The following GAD1 variants were observed in gnomAD, a reference collection of about 807,000 sequenced individuals.
The protein encoded by GAD1 is glutamate decarboxylase 1.
A neutral mutation model predicts 75.2 loss-of-function variants in GAD1; 35 were observed. That is an observed-to-expected ratio of 0.47 (90% CI 0.36 to 0.62). The LOEUF is 0.62. Ranked by LOEUF, GAD1 falls within the 20% of genes least tolerant of loss-of-function variation. The pLI is 0.00. For missense variants in GAD1, 490 were observed against 758.5 expected (o/e 0.65, Z 4.16); for synonymous variants, 257 against 271.9 (o/e 0.95, Z 0.54).
intron 11 of GAD1, 148 bp from the exon 12 acceptor site, chr2:170,849,138 C>T: frequency 1.4e-6 from 1 of 724,922 alleles, no homozygotes. Context: ...ACTGATTGAA[C>T]AATCAGTGTG....
intron 4 of GAD1, among the ~76,000 whole-genome samples, chr2:170,830,616 C>G (rs1245021992): frequency 6.6e-6 from 1 of 152,214 alleles, no homozygotes; most frequent in Non-Finnish European, 1.5e-5. Flanking sequence ...CCCAGGGGAG[C>G]ACGACAGATG....
chr2:170,819,837 A>C (rs1559266392), intron 2 of GAD1, among the ~76,000 whole-genome samples: 1 of 152,216 alleles, frequency 6.6e-6, no homozygotes, highest in Non-Finnish European at 1.5e-5. Context: ...AAGTATCCTC[A>C]TCAATGAAGT....
chr2:170,852,873 A>G, intron 13 of GAD1, 81 bp downstream of exon 13: 1 of 1,229,326 alleles, frequency 8.1e-7, no homozygotes, highest in Non-Finnish European at 1.2e-6. Flanking sequence ...GTCTCTTTGC[A>G]GTACTTGTTG....
rs141910612 is a variant in GAD1, at chr2:170,831,187, G to A, written c.542G>A (p.Arg181His). 3.1e-6 allele frequency: 5 copies of A among 1,614,004 alleles called. No homozygotes were observed. The highest frequency in any genetic ancestry group is 2.2e-5 in the South Asian group (2 of 91,088). ...AGAGACACCTTGAAGTATGGGGTTC[G>A]CACAGGTAAGGAGGAGAGTTGGGTA... ...DCRDTLKYGVRTGHPRFFNQL... is the reference protein window; with the variant it reads ...DCRDTLKYGVHTGHPRFFNQL... The change falls in exon 5 of 17, where the codon CGC (arginine) becomes CAC (histidine). Residue 181 changes from arginine (R) to histidine (H), a missense_variant. This residue lies in a region of GAD1 where 324 missense variants were observed against 523.9 expected (regional missense o/e 0.62). Transcript: ENST00000358196.
intron 3 of GAD1, among the ~76,000 whole-genome samples, chr2:170,823,732 C>T (rs920882739): frequency 1.5e-4 from 23 of 151,718 alleles, no homozygotes; most frequent in Non-Finnish European, 3.4e-4. Flanking sequence ...CCGCAGCGCT[C>T]GGCTTCTGCA....
At chr2:170,813,751 C>T (rs1252513772), upstream of GAD1, among the ~76,000 whole-genome samples, 1 of 152,206 alleles carries the variant, frequency 6.6e-6, no homozygotes, top group Non-Finnish European at 1.5e-5. Context: ...CCACCCACGA[C>T]GGGGAAAGGA....
intron 7 of GAD1, among the ~76,000 whole-genome samples, chr2:170,844,788 A>G (rs1403810945): frequency 6.6e-6 from 1 of 152,242 alleles, no homozygotes; most frequent in African/African-American, 2.4e-5. Context: ...TGTCAGAGAC[A>G]GTGTGATTGT....
upstream of GAD1, among the ~76,000 whole-genome samples, chr2:170,814,597 C>G (rs1014203836): frequency 1.3e-5 from 2 of 152,094 alleles, no homozygotes; most frequent in Non-Finnish European, 2.9e-5. Flanking sequence ...AATGCAAGCT[C>G]CAAAAAATAA....
chr2:170,815,030 G>C (rs566834323), upstream of GAD1, among the ~76,000 whole-genome samples: 1 of 152,284 alleles, frequency 6.6e-6, no homozygotes, highest in East Asian at 1.9e-4. Context: ...CCTCCTTCCT[G>C]TCTCCTGCCC....
At chr2:170,855,024 G>C (rs891908041) in intron 14 of GAD1, among the ~76,000 whole-genome samples, 1 of 152,056 alleles carries the variant, frequency 6.6e-6, no homozygotes, top group Admixed American at 6.6e-5. Context: ...TGATTTCATA[G>C]TTTTATATTA....
At position 170,853,112 on chromosome 2, in the gene GAD1, T is replaced by A; in HGVS notation, c.1263+320T>A. The stretch of plus-strand genomic sequence containing the variant: ...GCAAGTAGGTGAGGCATCCAATCAG[T>A]TTTGTCCTCAGTGAGGACAAAAGCA... On this transcript the variant is annotated intron_variant, in intron 13 of 16. Transcript: ENST00000358196. The surrounding 1 kb of genome is among the most constrained non-coding windows in gnomAD (Gnocchi z 4.1). 1 of 422,078 alleles carries A rather than the reference T, an allele frequency of 2.4e-6. No homozygotes were observed. Among genetic ancestry groups the A allele is most frequent in the South Asian group, 2.3e-5 (1 of 43,458 alleles). The allele number at this position is 422,078 out of a possible 1,614,324, so 26.1% of individuals were successfully genotyped here. A position where few individuals can be genotyped will look rare whatever the true frequency, so the allele number is the denominator to read the frequency against.
At chr2:170,822,058 C>T (rs1302292186) in intron 2 of GAD1, 29 bp from the exon 3 acceptor site, 1 of 1,589,994 alleles carries the variant, frequency 6.3e-7, no homozygotes, top group East Asian at 2.3e-5. Flanking sequence ...CCTCCCTAAC[C>T]GAACCTCTCT....
At chr2:170,859,611 T>C in intron 16 of GAD1, 98 bp from the exon 17 acceptor site, 1 of 1,205,880 alleles carries the variant, frequency 8.3e-7, no homozygotes. Context: ...TTTATGTCAA[T>C]GTAAACACAA....
intron 3 of GAD1, 91 bp downstream of exon 3, chr2:170,822,240 C>A: frequency 9.5e-7 from 1 of 1,053,042 alleles, no homozygotes; most frequent in Non-Finnish European, 1.4e-6. Context: ...GGAGGGGGAT[C>A]CGGGCTCATG....
rs1392903108 is a variant in GAD1, at chr2:170,818,273, C to G, written c.-63-256C>G. ...CTCGTCTCGGCGCTTCACTCCAGGT[C>G]GCGCCGATGCACCGCCAGACTCGAG... On this transcript the variant is annotated intron_variant, in intron 1 of 16. Coordinates refer to ENST00000358196, the MANE Select transcript of GAD1 (RefSeq NM_000817.3). This position sits in a 1 kb window ranked among gnomAD's most constrained non-coding sequence, Gnocchi z 5.9. 3.4e-6 allele frequency: 1 copy of G among 290,712 alleles called. No individual in the cohort carries two copies. Among genetic ancestry groups the G allele is most frequent in the East Asian group, 9.6e-5 (1 of 10,404 alleles). The allele number at this position is 290,712 out of a possible 1,614,324, so 18.0% of individuals were successfully genotyped here.
chr2:170,824,053 A>G (rs1464704082), intron 3 of GAD1, among the ~76,000 whole-genome samples: 1 of 151,944 alleles, frequency 6.6e-6, no homozygotes, highest in South Asian at 2.1e-4. Context: ...GGGAAGCCGG[A>G]GTTGGCCTCC....
intron 6 of GAD1, among the ~76,000 whole-genome samples, chr2:170,840,293 T>C (rs1702481405): frequency 6.6e-6 from 1 of 152,234 alleles, no homozygotes; most frequent in South Asian, 2.1e-4. Flanking sequence ...CTGACTCTTT[T>C]ATTTCTGTCT....
chr2:170,833,689 C>T (rs772284587), intron 5 of GAD1, among the ~76,000 whole-genome samples: 5 of 152,196 alleles, frequency 3.3e-5, no homozygotes, highest in Non-Finnish European at 7.3e-5. Flanking sequence ...ATATTATCTA[C>T]AAAACCAAAG....
At chr2:170,826,052 T>G (rs1702018212) in intron 3 of GAD1, among the ~76,000 whole-genome samples, 1 of 152,166 alleles carries the variant, frequency 6.6e-6, no homozygotes, top group East Asian at 1.9e-4. Context: ...CCTACCTTTC[T>G]GAGGATCCCA....
Sources: allele counts gnomAD v4.1 joint callset (sites outside exome capture counted in the v4.1 genomes callset), GRCh38; gene constraint gnomAD v4.1.1; regional missense constraint gnomAD v4.1.1; non-coding constraint Gnocchi (gnomAD v3.1); transcripts MANE v1.5; gene names NCBI Gene and HGNC (gene_info 2026-07-23, HGNC 2026-07-21).